Variants in CAPN11 observed in about 807,000 individuals in gnomAD.
The protein encoded by CAPN11 is calpain 11.
In CAPN11, 108 loss-of-function variants were observed where a neutral mutation model predicts 105.3. The observed-to-expected ratio is 1.03, with a 90% confidence interval of 0.88 to 1.20. The LOEUF (loss-of-function observed/expected upper bound fraction) is 1.20. CAPN11 is among the 50% of genes most tolerant of loss of function. The pLI is 0.00. For missense variants in CAPN11, 883 were observed against 924.8 expected, an observed-to-expected ratio of 0.95 and a Z score of 0.59; for synonymous variants, 329 against 344.5, an observed-to-expected ratio of 0.96 and a Z score of 0.50.
chr6:44,183,813 C>T, intron 22 of CAPN11, 50 bp downstream of exon 22: 1 of 1,596,126 alleles, frequency 6.3e-7, no homozygotes, highest in Non-Finnish European at 8.6e-7. Flanking sequence ...CCTGCCTGCC[C>T]CTCAACCCCA....
intron 1 of CAPN11, among the ~76,000 whole-genome samples, chr6:44,164,569 A>C (rs1045979355): frequency 1.3e-4 from 20 of 152,190 alleles, no homozygotes; most frequent in Non-Finnish European, 5.9e-5. Flanking sequence ...GTAGGATGCT[A>C]GCGCAGCCCC....
rs752514860 is a variant in CAPN11 at position 44,180,681 on chromosome 6, G to T, written c.1746+19G>T. On this transcript the variant is annotated intron_variant, in intron 16 of 22. Coordinates refer to ENST00000398776, the MANE Select transcript of CAPN11 (RefSeq NM_007058.4). The stretch of plus-strand genomic sequence containing the variant: ...AGGAGAGGTGAGCAGGCCACGAGCG[G>T]AGGGCTGACAGGAGGGGGATGAGGG... 6.8e-6 allele frequency: 11 copies of T among 1,613,648 alleles called. No individual in the cohort carries two copies. The highest frequency in any genetic ancestry group is 2.2e-5 in the South Asian group (2 of 91,086).
rs558975668 is a variant in CAPN11, at chr6:44,160,272, C to T, written c.16+1408C>T. On this transcript the variant is annotated intron_variant, in intron 1 of 22. Transcript: ENST00000398776. ...GAATACATATTTCAAAACACCATGT[C>T]GTATACAACAGATATATACTTTTTT... 9.8e-5 allele frequency among the ~76,000 whole-genome samples: 15 copies of T among 152,294 alleles called. No individual in the cohort carries two copies. The East Asian group carries it at 2.7e-3, about 27-fold the overall frequency.
At position 44,168,040 on chromosome 6, in the gene CAPN11, C is replaced by A. The variant is rs867171444; in HGVS notation, c.88+1211C>A. Reference sequence around the variant, plus strand: ...CCTCTTAAAAAAAAATGGAAAAAAACCCAAAAAACAGAGTGTATAATTCAG... The same window carrying A: ...CCTCTTAAAAAAAAATGGAAAAAAAACCAAAAAACAGAGTGTATAATTCAG... On this transcript the variant is annotated intron_variant, in intron 2 of 22. Transcript: ENST00000398776. Among the ~76,000 whole-genome samples the A allele has an allele frequency of 1.5e-4, 22 of 151,720 alleles. No homozygotes were observed. The East Asian group carries it at 2.5e-3, about 17-fold the overall frequency.
intron 18 of CAPN11, 112 bp from the exon 19 acceptor site, chr6:44,181,140 C>A: frequency 1.7e-6 from 2 of 1,208,776 alleles, no homozygotes; most frequent in Non-Finnish European, 2.5e-6. Flanking sequence ...CTTCTGGCTG[C>A]TACAGTACCG....
intron 19 of CAPN11, among the ~76,000 whole-genome samples, chr6:44,182,083 C>T (rs1404418820): frequency 3.9e-5 from 1 of 25,912 alleles, no homozygotes; most frequent in Non-Finnish European, 7.1e-5. Context: ...CACACACACA[C>T]ACATACACAC....
chr6:44,159,485 C>G (rs1235039769), intron 1 of CAPN11, among the ~76,000 whole-genome samples: 1 of 152,004 alleles, frequency 6.6e-6, no homozygotes, highest in Non-Finnish European at 1.5e-5. Context: ...AGAAGGTCAG[C>G]CCTGTACCTC....
intron 19 of CAPN11, among the ~76,000 whole-genome samples, chr6:44,181,672 ATACTCACATACAGACACAACCACAC>A: frequency 3.2e-5 from 1 of 31,044 alleles, no homozygotes; most frequent in African/African-American, 2.1e-4. Context: ...TCACACACAC[ATACTCACATACAGACACAACCACAC>A]CACACTCACA....
chr6:44,180,440 C>A lies in CAPN11; in HGVS notation c.1641-20C>A. ...CTCCCTCCCCCTGGTAACTCTTGAG[C>A]TTTCAATCATTTTGCCCAGGGAATT... is the stretch of plus-strand genomic sequence containing the variant. On this transcript the variant is annotated intron_variant, in intron 14 of 22. Coordinates refer to ENST00000398776, the MANE Select transcript of CAPN11 (RefSeq NM_007058.4). 6.2e-7 allele frequency: 1 copy of A among 1,613,132 alleles called. No homozygotes were observed. Among genetic ancestry groups the A allele is most frequent in the Non-Finnish European group, 8.5e-7 (1 of 1,179,532 alleles).
intron 1 of CAPN11, 31 bp from the exon 2 acceptor site, chr6:44,166,727 C>T (rs1268245153): frequency 6.6e-7 from 1 of 1,512,392 alleles, no homozygotes; most frequent in Admixed American, 2.0e-5. Context: ...CCACAGCCTT[C>T]CTCCCCTCCT....
At position 44,183,003 on chromosome 6, in the gene CAPN11, G is replaced by A. The variant is rs1466451841; in HGVS notation, c.2001G>A (p.Leu667=). 2.5e-6 allele frequency: 4 copies of A among 1,612,686 alleles called. No homozygotes were observed. The highest frequency in any genetic ancestry group is 2.5e-6 in the Non-Finnish European group (3 of 1,179,212). ...CCTTGAACTCCTATGAGATGCGCCT[G>A]GTTATTGAGAAAGCAGGTGGCCAAG... The part of the protein sequence containing the change: ...SGTLNSYEMR[L]VIEKAGIKLN... The change falls in exon 20 of 23, where the codon CTG becomes CTA. Residue 667 remains leucine, a synonymous_variant. Transcript: ENST00000398776.
intron 1 of CAPN11, among the ~76,000 whole-genome samples, chr6:44,163,104 T>A (rs1281623167): frequency 1.3e-5 from 2 of 152,100 alleles, no homozygotes; most frequent in Non-Finnish European, 2.9e-5. Flanking sequence ...AACTCCAGTC[T>A]TTTTCACACG....
intron 13 of CAPN11, 126 bp from the exon 14 acceptor site, chr6:44,179,826 T>A (rs1227197538): frequency 2.2e-6 from 2 of 897,620 alleles, no homozygotes; most frequent in African/African-American, 3.3e-5. Flanking sequence ...TTAGATGGTG[T>A]CCAGGCCAGG....
chr6:44,180,399 C>G, intron 14 of CAPN11, 61 bp from the exon 15 acceptor site: 1 of 1,528,358 alleles, frequency 6.5e-7, no homozygotes, highest in African/African-American at 1.4e-5. Flanking sequence ...CCAGAGCACC[C>G]CACTAAAACC....
chr6:44,170,073 G>A, intron 4 of CAPN11, 98 bp downstream of exon 4: 1 of 880,044 alleles, frequency 1.1e-6, no homozygotes, highest in Non-Finnish European at 1.9e-6. Context: ...GAGCCCTGAG[G>A]TCAGACAGCC....
chr6:44,166,887 CTCTCT>C (rs1769975343), intron 2 of CAPN11, 58 bp downstream of exon 2: 2 of 1,195,052 alleles, frequency 1.7e-6, no homozygotes, highest in Non-Finnish European at 2.4e-6. Flanking sequence ...TCCTCCTTCA[CTCTCT>C]TCTCTTCCCC....
Position 44,176,374 on chromosome 6 carries a change from G to T in CAPN11, c.1001+36G>T, listed in dbSNP as rs750325239. 5.7e-6 allele frequency: 9 copies of T among 1,576,352 alleles called. No homozygotes were observed. In the Admixed American group the frequency reaches 1.0e-4, roughly 18 times the overall value. On this transcript the variant is annotated intron_variant, in intron 9 of 22. Transcript: ENST00000398776. ...CCAACCCAGGTGAGGGGTGGTCGGA[G>T]GATACAGCAGGCGGTGCCAGGTGGA...
Position 44,180,456 on chromosome 6 carries a change from C to A in CAPN11, c.1641-4C>A. The A allele has an allele frequency of 6.2e-7, 1 of 1,613,588 alleles. No individual in the cohort carries two copies. Among genetic ancestry groups the A allele is most frequent in the Non-Finnish European group, 8.5e-7 (1 of 1,179,794 alleles). ...ACTCTTGAGCTTTCAATCATTTTGC[C>A]CAGGGAATTGGATGAAGTCAACTAT... On this transcript the variant is annotated splice_region_variant and splice_polypyrimidine_tract_variant and intron_variant, in intron 14 of 22. Coordinates refer to ENST00000398776, the MANE Select transcript of CAPN11 (RefSeq NM_007058.4).
intron 2 of CAPN11, 92 bp downstream of exon 2, chr6:44,166,921 AAGTCAGTCATGTTGTGT>A: frequency 1.3e-6 from 1 of 762,220 alleles, no homozygotes; most frequent in South Asian, 1.5e-5. Context: ...CTGGTGGGGG[AAGTCAGTCATGTTGTGT>A]GGGGAGGGCG....
Sources: allele counts gnomAD v4.1 joint callset (sites outside exome capture counted in the v4.1 genomes callset), GRCh38; gene constraint gnomAD v4.1.1; transcripts MANE v1.5; gene names NCBI Gene and HGNC (gene_info 2026-07-23, HGNC 2026-07-21).